MARCHF6: variants seen among roughly 807,000 people sequenced by gnomAD.
The protein encoded by MARCHF6 is membrane associated ring-CH-type finger 6, also known as E3 ubiquitin-protein ligase MARCHF6.
MARCHF6 carries 31 observed loss-of-function variants against 133.7 expected under a neutral mutation model. The ratio of observed to expected loss-of-function variants is 0.23; its 90% confidence interval spans 0.17 to 0.31. The LOEUF is 0.31. Ranked by LOEUF, MARCHF6 falls within the 10% of genes least tolerant of loss-of-function variation. The probability of loss-of-function intolerance (pLI) is 1.00; values close to 1 mark genes in which losing one functional copy is unlikely to be tolerated. For synonymous variants in MARCHF6, 395 were observed against 402.5 expected (o/e 0.98, Z 0.22); for missense variants, 723 against 1,121.6 (o/e 0.64, Z 5.08).
rs780993847 is a variant in MARCHF6, at chr5:10,410,895, A to G, written c.1692-438A>G. On this transcript the variant is annotated intron_variant, in intron 18 of 25. Transcript: ENST00000274140. ...TTACAAATTTATAGCTTGTAGCTAC[A>G]TGTTGCAGTAGTCATCTGTAGAGAA... is the stretch of plus-strand genomic sequence containing the variant. 4.1e-4 allele frequency among the ~76,000 whole-genome samples: 62 copies of G among 152,294 alleles called. 1 individual carries two copies. The Middle Eastern group carries it at 0.014, about 33-fold the overall frequency.
Position 10,378,840 on chromosome 5 carries a change from CT to C in MARCHF6, c.190+11del. The C allele has an allele frequency of 6.3e-7, 1 of 1,594,532 alleles. No homozygotes were observed. Reference sequence around the variant, plus strand: ...GATTTGCTTTTACACCAAGTAAGTTCTTTAGACATTTTCACTGCATTTTTTT... The same window carrying C: ...GATTTGCTTTTACACCAAGTAAGTTCTTAGACATTTTCACTGCATTTTTTT... On this transcript the variant is annotated intron_variant, in intron 3 of 25. Coordinates refer to ENST00000274140, the MANE Select transcript of MARCHF6 (RefSeq NM_005885.4).
intron 18 of MARCHF6, 57 bp downstream of exon 18, chr5:10,410,333 C>A (rs1739146901): frequency 5.8e-6 from 9 of 1,563,330 alleles, no homozygotes; most frequent in South Asian, 1.2e-5. Context: ...TATGGAATAA[C>A]CTTTCTGGAA....
rs1739135947 is a variant in MARCHF6 at position 10,410,197 on chromosome 5, G to T, written c.1612G>T (p.Ala538Ser). The change falls in exon 18 of 26, where the codon GCA becomes TCA. Residue 538 changes from alanine (A) to serine (S), a missense_variant. Ala to Ser is a moderately conservative substitution (Grantham distance 99). Around this residue, in one of 4 missense-constraint regions of MARCHF6, gnomAD observed 492 missense variants for 699.5 expected, o/e 0.70. Transcript: ENST00000274140. ...GCTTCTGCTTCAGGTTGTCTTGCCA[G>T]CATTACTCGAACAGGGACACACGAG... ...ELLLLQVVLPALLEQGHTRQW... is the reference protein window; with the variant it reads ...ELLLLQVVLPSLLEQGHTRQW... 1 of 1,613,916 alleles carries T rather than the reference G, an allele frequency of 6.2e-7. No homozygotes were observed. Among genetic ancestry groups the T allele is most frequent in the Non-Finnish European group, 8.5e-7 (1 of 1,180,032 alleles).
intron 22 of MARCHF6, among the ~76,000 whole-genome samples, chr5:10,420,711 A>G (rs765162703): frequency 9.9e-5 from 15 of 152,240 alleles, no homozygotes; most frequent in Non-Finnish European, 1.6e-4. Context: ...ACCCTCTGCA[A>G]TCATGTCTGA....
At chr5:10,359,134 T>G (rs918903349) in intron 1 of MARCHF6, among the ~76,000 whole-genome samples, 3 of 152,184 alleles carry the variant, frequency 2.0e-5, no homozygotes, top group Non-Finnish European at 2.9e-5. Context: ...TTTAGTGCAG[T>G]ACCCTAAACT....
chr5:10,415,374 A>G, intron 20 of MARCHF6, 114 bp from the exon 21 acceptor site: 1 of 930,286 alleles, frequency 1.1e-6, no homozygotes, highest in Non-Finnish European at 1.7e-6. Flanking sequence ...GAAGACATTG[A>G]TATATCGAAT....
chr5:10,422,846 A>G (rs1430136795), intron 22 of MARCHF6, among the ~76,000 whole-genome samples: 2 of 152,166 alleles, frequency 1.3e-5, no homozygotes, highest in Non-Finnish European at 2.9e-5. Context: ...AGCTGAATGC[A>G]TGGGGAAAAA....
In MARCHF6 at chr5:10,436,947, A is replaced by G. The variant is rs1175392405; in HGVS notation, c.*3263A>G. The G allele has an allele frequency of 6.6e-6, 1 of 152,248 alleles. No individual in the cohort carries two copies. The highest frequency in any genetic ancestry group is 2.4e-5 in the African/African-American group (1 of 41,468). 9.4% of individuals were successfully genotyped at this position (152,248 alleles called of 1,614,324 possible). A position where few individuals can be genotyped will look rare whatever the true frequency, so the allele number is the denominator to read the frequency against. On this transcript the variant is annotated 3_prime_UTR_variant, in exon 26 of 26. Coordinates refer to ENST00000274140, the MANE Select transcript of MARCHF6 (RefSeq NM_005885.4). ...CTTGTGTATTTTCTTTCCCTTATTCAAGTAATATAGAATAACTTTCCTTAA... is the reference window on the plus strand; with the variant it reads ...CTTGTGTATTTTCTTTCCCTTATTCGAGTAATATAGAATAACTTTCCTTAA...
chr5:10,353,746 C>G lies in MARCHF6; in HGVS notation c.-153C>G, dbSNP rs1735243798. The stretch of plus-strand genomic sequence containing the variant: ...GCTCGCTTTCTGTCAGCCTCTCTCC[C>G]TCTCCCTCTCCCCTCTCCTTCCTCT... On this transcript the variant is annotated 5_prime_UTR_variant, in exon 1 of 26. Transcript: ENST00000274140. The G allele has an allele frequency of 1.6e-6, 1 of 608,748 alleles. No homozygotes were observed. Among genetic ancestry groups the G allele is most frequent in the African/African-American group, 1.9e-5 (1 of 51,622 alleles). 37.7% of individuals were successfully genotyped at this position (608,748 alleles called of 1,614,324 possible).
chr5:10,373,336 C>G (rs1736573727), intron 1 of MARCHF6, among the ~76,000 whole-genome samples: 1 of 152,158 alleles, frequency 6.6e-6, no homozygotes, highest in African/African-American at 2.4e-5. Context: ...ATGTCTCTCT[C>G]CCCACTCCAC....
At chr5:10,361,929 A>G (rs1428121509) in intron 1 of MARCHF6, among the ~76,000 whole-genome samples, 1 of 151,764 alleles carries the variant, frequency 6.6e-6, no homozygotes, top group Non-Finnish European at 1.5e-5. Flanking sequence ...ACACCTGGCT[A>G]ATTTTGTATT....
At chr5:10,393,076 AGAC>A (rs1737972296) in intron 7 of MARCHF6, among the ~76,000 whole-genome samples, 1 of 151,636 alleles carries the variant, frequency 6.6e-6, no homozygotes, top group Non-Finnish European at 1.5e-5. Context: ...TTTTTTTTTG[AGAC>A]AAGGTTTTGC....
intron 21 of MARCHF6, 105 bp downstream of exon 21, chr5:10,415,774 T>A (rs1579607365): frequency 3.1e-6 from 3 of 953,342 alleles, no homozygotes; most frequent in Non-Finnish European, 4.6e-6. Context: ...CTTACTATAT[T>A]GTTTCAAGAG....
intron 1 of MARCHF6, among the ~76,000 whole-genome samples, chr5:10,358,102 GAGA>G (rs562636452): frequency 6.6e-6 from 1 of 151,966 alleles, no homozygotes; most frequent in African/African-American, 2.4e-5. Context: ...AGGAGCAAAG[GAGA>G]AGGAGTTAGC....
intron 17 of MARCHF6, among the ~76,000 whole-genome samples, chr5:10,409,474 T>G (rs1370561261): frequency 2.0e-5 from 3 of 152,202 alleles, no homozygotes; most frequent in Non-Finnish European, 2.9e-5. Flanking sequence ...GAGGCAAGTT[T>G]GTCTGTAGTA....
chr5:10,393,819 C>G (rs1738018664), intron 7 of MARCHF6, among the ~76,000 whole-genome samples: 1 of 152,184 alleles, frequency 6.6e-6, no homozygotes, highest in South Asian at 2.1e-4. Flanking sequence ...TTGAATTCCT[C>G]TCTTTCAGAT....
intron 23 of MARCHF6, among the ~76,000 whole-genome samples, chr5:10,424,858 G>C (rs1486433810): frequency 6.6e-6 from 1 of 152,208 alleles, no homozygotes; most frequent in Non-Finnish European, 1.5e-5. Context: ...TAATTTGATT[G>C]TTGTGGGAAT....
chr5:10,405,752 T>C (rs1467396461), intron 16 of MARCHF6, 75 bp downstream of exon 16: 17 of 1,395,086 alleles, frequency 1.2e-5, no homozygotes, highest in South Asian at 1.2e-4. Context: ...GGTTTTTTTT[T>C]CCAGTTCTCA....
intron 22 of MARCHF6, among the ~76,000 whole-genome samples, chr5:10,422,387 G>A (rs1739871342): frequency 6.6e-6 from 1 of 152,148 alleles, no homozygotes; most frequent in South Asian, 2.1e-4. Flanking sequence ...GTTTGAAGGG[G>A]CTCATGAGAT....
Sources: gnomAD v4.1 joint callset for allele counts (sites outside exome capture counted in the v4.1 genomes callset) on GRCh38, gnomAD v4.1.1 for gene constraint, gnomAD v4.1.1 regional missense constraint, MANE v1.5 for transcripts, NCBI Gene and HGNC (gene_info 2026-07-23, HGNC 2026-07-21) for gene names.